MINDY4: variants seen among roughly 807,000 people sequenced by gnomAD.
MINDY4 encodes the protein MINDY lysine 48 deubiquitinase 4.
A neutral mutation model predicts 87.0 loss-of-function variants in MINDY4; 68 were observed. That is an observed-to-expected ratio of 0.78 (90% confidence interval 0.64 to 0.96). The LOEUF is 0.96. Ranked by LOEUF, MINDY4 falls within the 40% of genes least tolerant of loss-of-function variation. The probability of loss-of-function intolerance (pLI) is 0.00; values close to 1 mark genes in which losing one functional copy is unlikely to be tolerated. For synonymous variants in MINDY4, 379 were observed against 363.2 expected (o/e 1.04, Z -0.50); for missense variants, 919 against 928.2 (o/e 0.99, Z 0.13).
intron 1 of MINDY4, among the ~76,000 whole-genome samples, chr7:30,771,952 C>G (rs555145535): frequency 2.6e-5 from 4 of 152,326 alleles, no homozygotes; most frequent in Non-Finnish European, 5.9e-5. Flanking sequence ...GGGTCCCACT[C>G]GGAAAGAACT....
rs566801474 is a variant in MINDY4 at position 30,817,931 on chromosome 7, G to A, written c.1074-10748G>A. On this transcript the variant is annotated intron_variant, in intron 5 of 17. Transcript: ENST00000265299. ...CAGGAAACCTGGACTCTGGTCCTGG[G>A]GTTTTCAGTTTCACTCGCCTTGTTG... 1.8e-4 allele frequency among the ~76,000 whole-genome samples: 27 copies of A among 152,230 alleles called. No individual in the cohort carries two copies. The South Asian group carries it at 5.6e-3, about 32-fold the overall frequency.
chr7:30,890,017 G>C (rs1790750384), intron 17 of MINDY4, among the ~76,000 whole-genome samples: 1 of 152,184 alleles, frequency 6.6e-6, no homozygotes, highest in Admixed American at 6.5e-5. Context: ...CTTTCATGCA[G>C]GCAGAAAAGG....
chr7:30,850,628 G>A, intron 10 of MINDY4, 73 bp downstream of exon 10: 3 of 1,364,388 alleles, frequency 2.2e-6, no homozygotes, highest in Non-Finnish European at 3.1e-6. Flanking sequence ...GGCTGTGTAT[G>A]CTCCTATCCT....
Position 30,828,710 on chromosome 7 carries a change from G to C in MINDY4, c.1105G>C (p.Asp369His), listed in dbSNP as rs1334921854. 1 of 1,613,580 alleles carries C rather than the reference G, an allele frequency of 6.2e-7. No homozygotes were observed. The highest frequency in any genetic ancestry group is 8.5e-7 in the Non-Finnish European group (1 of 1,180,048). Reference sequence around the variant, plus strand: ...TCAGTTGCTGCCGTCTGACAAGGTGGATGGTGAGCTGGGTGCCCTGCGGCT... The same window carrying C: ...TCAGTTGCTGCCGTCTGACAAGGTGCATGGTGAGCTGGGTGCCCTGCGGCT... ...KNQLLPSDKV[D>H]GELGALRLED... Residue 369 changes from aspartate to histidine, a missense_variant, in exon 6 of 18, where the codon GAT becomes CAT. By Grantham distance (81) the Asp-to-His change is moderately conservative. Coordinates refer to ENST00000265299, the MANE Select transcript of MINDY4 (RefSeq NM_032222.3).
intron 13 of MINDY4, among the ~76,000 whole-genome samples, chr7:30,871,095 G>T (rs1447536782): frequency 6.6e-6 from 1 of 151,526 alleles, no homozygotes; most frequent in Non-Finnish European, 1.5e-5. Context: ...GCCAGGTTCA[G>T]TTGTGACTCC....
intron 2 of MINDY4, chr7:30,781,426 G>A (rs6956261): frequency 0.25 from 38,456 of 152,224 alleles, 5,509 homozygotes; most frequent in Non-Finnish European, 0.32. Flanking sequence ...ACTTTCATTT[G>A]CCTTTTGTTT....
chr7:30,869,626 C>T (rs1414374456), intron 13 of MINDY4, among the ~76,000 whole-genome samples: 2 of 152,044 alleles, frequency 1.3e-5, no homozygotes, highest in Non-Finnish European at 2.9e-5. Flanking sequence ...CTCTATGTGT[C>T]CAGATTTCCT....
chr7:30,832,673 C>A (rs1259766849), intron 6 of MINDY4, among the ~76,000 whole-genome samples: 1 of 152,142 alleles, frequency 6.6e-6, no homozygotes, highest in Non-Finnish European at 1.5e-5. Context: ...CCACACCTGG[C>A]TAATTTTTGT....
chr7:30,848,306 C>T (rs925722222), intron 9 of MINDY4, among the ~76,000 whole-genome samples: 3 of 152,168 alleles, frequency 2.0e-5, no homozygotes, highest in Non-Finnish European at 4.4e-5. Flanking sequence ...GGTGATTGGA[C>T]GGTGGGGTGA....
At chr7:30,848,402 A>C (rs537787928) in intron 9 of MINDY4, among the ~76,000 whole-genome samples, 2 of 152,326 alleles carry the variant, frequency 1.3e-5, no homozygotes, top group East Asian at 3.9e-4. Flanking sequence ...CAGCAGGGGA[A>C]GGGTGGGCAT....
At chr7:30,876,060 T>G (rs773514572) in intron 15 of MINDY4, among the ~76,000 whole-genome samples, 6 of 152,010 alleles carry the variant, frequency 3.9e-5, no homozygotes, top group African/African-American at 9.7e-5. Context: ...CAACAGAAAC[T>G]TAACTGTCTC....
intron 17 of MINDY4, among the ~76,000 whole-genome samples, chr7:30,887,847 G>A (rs1049758960): frequency 3.3e-5 from 5 of 152,242 alleles, no homozygotes; most frequent in Admixed American, 1.3e-4. Flanking sequence ...GCAGGATGGC[G>A]GACTGGGCAG....
chr7:30,882,116 C>T lies in MINDY4; in HGVS notation c.1972-65C>T. ...GAGGTCAGCCCTGCCTTGAGTCAGA[C>T]AGAAAAATGCCCGGACCCCTTTCCC... On this transcript the variant is annotated intron_variant, in intron 15 of 17. Transcript: ENST00000265299. 2.0e-6 allele frequency: 3 copies of T among 1,487,418 alleles called. No homozygotes were observed. In the South Asian group the frequency reaches 3.9e-5, roughly 19 times the overall value. The allele number at this position is 1,487,418 out of a possible 1,614,324, so 92.1% of individuals were successfully genotyped here.
chr7:30,875,801 G>C, intron 15 of MINDY4, 145 bp downstream of exon 15: 1 of 868,512 alleles, frequency 1.2e-6, no homozygotes. Context: ...GGCTTGGGAA[G>C]AAGTACAGCT....
intron 5 of MINDY4, among the ~76,000 whole-genome samples, chr7:30,818,495 T>C (rs1283716509): frequency 6.6e-6 from 1 of 152,230 alleles, no homozygotes; most frequent in East Asian, 1.9e-4. Flanking sequence ...GAGGGAAGAC[T>C]ATTATTAGCC....
intron 5 of MINDY4, among the ~76,000 whole-genome samples, chr7:30,795,586 G>A (rs1787462371): frequency 6.6e-6 from 1 of 152,218 alleles, no homozygotes; most frequent in Non-Finnish European, 1.5e-5. Context: ...GGCAAATAGA[G>A]GGGTGCATGT....
chr7:30,846,654 C>T (rs62449081), intron 9 of MINDY4, among the ~76,000 whole-genome samples: 9,463 of 151,998 alleles, frequency 0.062, 465 homozygotes, highest in Non-Finnish European at 0.087. Flanking sequence ...CAGGTTCTCA[C>T]GCAGGCACAT....
chr7:30,823,506 T>C (rs1212516529), intron 5 of MINDY4, among the ~76,000 whole-genome samples: 1 of 152,138 alleles, frequency 6.6e-6, no homozygotes, highest in African/African-American at 2.4e-5. Context: ...AGCAGACTCA[T>C]GAATTTTTTT....
intron 14 of MINDY4, among the ~76,000 whole-genome samples, chr7:30,874,939 A>G (rs1300808167): frequency 6.6e-6 from 1 of 152,192 alleles, no homozygotes; most frequent in African/African-American, 2.4e-5. Flanking sequence ...TATTTTTACA[A>G]CTTCTTTTGA....
Sources: gnomAD v4.1 joint callset for allele counts (sites outside exome capture counted in the v4.1 genomes callset) on GRCh38, gnomAD v4.1.1 for gene constraint, MANE v1.5 for transcripts, NCBI Gene and HGNC (gene_info 2026-07-23, HGNC 2026-07-21) for gene names.